The following CSMD1 variants were observed in gnomAD, a reference collection of about 807,000 sequenced individuals.
CSMD1 encodes the protein CUB and Sushi multiple domains 1, also known as CUB and sushi domain-containing protein 1.
Under a neutral mutation model 417.5 loss-of-function variants are expected in CSMD1, and 213 were observed. That is an observed-to-expected ratio of 0.51 (90% CI 0.46 to 0.57). The LOEUF is 0.57. Among genes scored for constraint, CSMD1 ranks in the 20% least tolerant of loss-of-function variants. CSMD1 has a pLI of 0.00. For synonymous variants in CSMD1, 2,862 were observed against 1,736.8 expected, an observed-to-expected ratio of 1.65 and a Z score of -16.11; for missense variants, 6,923 against 4,529.7, an observed-to-expected ratio of 1.53 and a Z score of -15.17.
chr8:3,173,480 A>G (rs562358044), intron 37 of CSMD1, among the ~76,000 whole-genome samples: 1 of 152,346 alleles, frequency 6.6e-6, no homozygotes, highest in East Asian at 1.9e-4. Context: ...TTTGTGGCCA[A>G]ACTGTGAAGT....
chr8:3,187,780 C>T, intron 36 of CSMD1, 89 bp downstream of exon 36: 2 of 932,518 alleles, frequency 2.1e-6, no homozygotes, highest in Non-Finnish European at 3.4e-6. Flanking sequence ...AGGAAAATTT[C>T]TATGTGGAGT....
chr8:4,465,157 T>C (rs1428780419), intron 2 of CSMD1, among the ~76,000 whole-genome samples: 1 of 152,152 alleles, frequency 6.6e-6, no homozygotes, highest in African/African-American at 2.4e-5. Flanking sequence ...CCAAACTATG[T>C]CACTTTATGT....
intron 5 of CSMD1, among the ~76,000 whole-genome samples, chr8:3,989,430 G>A (rs1038761719): frequency 7.9e-5 from 12 of 152,200 alleles, no homozygotes; most frequent in African/African-American, 2.7e-4. Flanking sequence ...AGCTAGGTAA[G>A]AGCGGCTTCT....
At chr8:3,238,228 C>T (rs1429031712) in intron 26 of CSMD1, among the ~76,000 whole-genome samples, 1 of 151,686 alleles carries the variant, frequency 6.6e-6, no homozygotes, top group Non-Finnish European at 1.5e-5. Context: ...GCTTTTGAGC[C>T]AGGATGAGCC....
chr8:4,500,733 C>A (rs1262985488), intron 2 of CSMD1, among the ~76,000 whole-genome samples: 1 of 152,090 alleles, frequency 6.6e-6, no homozygotes, highest in Non-Finnish European at 1.5e-5. Context: ...GTAAATTTTA[C>A]TTTTGGCCAG....
intron 2 of CSMD1, among the ~76,000 whole-genome samples, chr8:4,454,843 CCA>C (rs1242724125): frequency 3.4e-5 from 5 of 148,748 alleles, no homozygotes; most frequent in African/African-American, 1.3e-4. Context: ...AGGTTTTTTT[CCA>C]CAGTTTAGTT....
At chr8:4,234,771 T>C (rs1232893305) in intron 3 of CSMD1, among the ~76,000 whole-genome samples, 1 of 152,262 alleles carries the variant, frequency 6.6e-6, no homozygotes, top group South Asian at 2.1e-4. Context: ...ACAAAAGATC[T>C]GGGCTAACTT....
chr8:4,714,294 T>C (rs539113974), intron 1 of CSMD1, among the ~76,000 whole-genome samples: 2 of 152,300 alleles, frequency 1.3e-5, no homozygotes, highest in African/African-American at 4.8e-5. Context: ...ATCTTTTTTC[T>C]CTTTAAGAAA....
At chr8:3,730,582 A>G (rs1040553732) in intron 6 of CSMD1, among the ~76,000 whole-genome samples, 2 of 152,058 alleles carry the variant, frequency 1.3e-5, no homozygotes, top group Admixed American at 6.5e-5. Context: ...TGCACACACT[A>G]TATGGTTTCA....
At chr8:4,925,947 G>C (rs1235860018) in intron 1 of CSMD1, among the ~76,000 whole-genome samples, 1 of 152,016 alleles carries the variant, frequency 6.6e-6, no homozygotes, top group Non-Finnish European at 1.5e-5. Flanking sequence ...TCCAGCCAGA[G>C]GTTTATATTT....
At chr8:3,775,662 G>T (rs979581301) in intron 5 of CSMD1, among the ~76,000 whole-genome samples, 1 of 152,186 alleles carries the variant, frequency 6.6e-6, no homozygotes, top group African/African-American at 2.4e-5. Flanking sequence ...GATTGTCGGG[G>T]AGAGAGCCCA....
At chr8:3,670,505 T>TATATATCCC (rs1159816307) in intron 7 of CSMD1, among the ~76,000 whole-genome samples, 18 of 145,600 alleles carry the variant, frequency 1.2e-4, no homozygotes, top group Admixed American at 2.1e-4. Context: ...ATATCCCATA[T>TATATATCCC]ATATATATAT....
At chr8:3,981,600 T>G (rs925640611) in intron 5 of CSMD1, among the ~76,000 whole-genome samples, 2 of 152,050 alleles carry the variant, frequency 1.3e-5, no homozygotes, top group Non-Finnish European at 2.9e-5. Context: ...TCCTTTAAAT[T>G]GTATCAATTA....
chr8:4,155,510 C>T lies in CSMD1; in HGVS notation c.416-123411G>A, dbSNP rs75080805. ...AACAAGGGAAAGTATCGTTCTTAAA[C>T]GCCAAACTTAAATGGTTAAAAAAGT... On this transcript the variant is annotated intron_variant, in intron 3 of 69. Coordinates refer to ENST00000635120, the MANE Select transcript of CSMD1 (RefSeq NM_033225.6). Among the ~76,000 whole-genome samples the T allele has an allele frequency of 5.8e-3, 886 of 152,272 alleles. 3 individuals are homozygous for T. Among genetic ancestry groups the T allele is most frequent in the South Asian group, 0.022 (104 of 4,828 alleles).
At chr8:3,221,286 T>A (rs1379209181) in intron 28 of CSMD1, among the ~76,000 whole-genome samples, 2 of 152,164 alleles carry the variant, frequency 1.3e-5, no homozygotes, top group Non-Finnish European at 2.9e-5. Context: ...GGTGTCTTAG[T>A]CTGTTTATTT....
At chr8:3,009,896 A>T (rs944428023) in intron 52 of CSMD1, among the ~76,000 whole-genome samples, 1 of 152,220 alleles carries the variant, frequency 6.6e-6, no homozygotes, top group African/African-American at 2.4e-5. Context: ...TTTTTAAACC[A>T]GTTTGGTTTG....
chr8:4,414,145 T>C (rs76603581), intron 3 of CSMD1, among the ~76,000 whole-genome samples: 4,323 of 152,274 alleles, frequency 0.028, 101 homozygotes, highest in African/African-American at 0.067. Context: ...GCTGACATTC[T>C]AAATAAAGCT....
intron 2 of CSMD1, among the ~76,000 whole-genome samples, chr8:4,485,648 G>A (rs535908011): frequency 3.9e-5 from 6 of 151,972 alleles, no homozygotes; most frequent in African/African-American, 4.8e-5. Context: ...GTATGCTATC[G>A]CAGAGCCCAG....
chr8:3,872,393 C>A (rs1433849687), intron 5 of CSMD1, among the ~76,000 whole-genome samples: 2 of 152,172 alleles, frequency 1.3e-5, no homozygotes, highest in Non-Finnish European at 2.9e-5. Flanking sequence ...TGACTCTCAA[C>A]TGTTCATTAC....
Sources: gnomAD v4.1 joint callset for allele counts (sites outside exome capture counted in the v4.1 genomes callset) on GRCh38, gnomAD v4.1.1 for gene constraint, MANE v1.5 for transcripts, NCBI Gene and HGNC (gene_info 2026-07-23, HGNC 2026-07-21) for gene names.